LRP1B: variants seen among roughly 807,000 people sequenced by gnomAD.
LRP1B encodes LDL receptor related protein 1B.
Under a neutral mutation model 556.6 loss-of-function variants are expected in LRP1B, and 217 were observed. That is an observed-to-expected ratio of 0.39 (90% confidence interval 0.35 to 0.44). The LOEUF is 0.44. Among genes scored for constraint, LRP1B ranks in the 20% least tolerant of loss-of-function variants. LRP1B has a pLI of 1.00. For synonymous variants in LRP1B, 2,047 were observed against 1,865.8 expected (o/e 1.10, Z -2.50); for missense variants, 5,053 against 5,620.8 (o/e 0.90, Z 3.23).
chr2:141,673,138 T>C (rs1690737902), intron 2 of LRP1B, among the ~76,000 whole-genome samples: 2 of 152,228 alleles, frequency 1.3e-5, no homozygotes, highest in Non-Finnish European at 2.9e-5. Flanking sequence ...CATTTTCCTT[T>C]TCTAAAAAGA....
chr2:140,363,229 T>C (rs910525764), intron 72 of LRP1B, among the ~76,000 whole-genome samples: 1 of 151,652 alleles, frequency 6.6e-6, no homozygotes, highest in African/African-American at 2.4e-5. Flanking sequence ...GCACAATTTC[T>C]GGCACATAAT....
chr2:140,547,168 G>A (rs561317724), intron 43 of LRP1B, among the ~76,000 whole-genome samples: 1 of 152,136 alleles, frequency 6.6e-6, no homozygotes, highest in Non-Finnish European at 1.5e-5. Flanking sequence ...CTGGCCTCAT[G>A]GAATGAGTTG....
At chr2:140,973,052 TTATATATATA>T (rs200336213) in intron 18 of LRP1B, among the ~76,000 whole-genome samples, 110 of 138,576 alleles carry the variant, frequency 7.9e-4, no homozygotes, top group African/African-American at 2.6e-3. Flanking sequence ...ATATTTCATT[TTATATATATA>T]TATATATATA....
chr2:140,703,206 C>T (rs1223018190), intron 37 of LRP1B, among the ~76,000 whole-genome samples: 1 of 152,066 alleles, frequency 6.6e-6, no homozygotes, highest in Non-Finnish European at 1.5e-5. Flanking sequence ...GTGAAGTCAT[C>T]TTAAAATACG....
chr2:140,393,891 G>A (rs376960352), intron 66 of LRP1B, among the ~76,000 whole-genome samples: 4 of 152,094 alleles, frequency 2.6e-5, no homozygotes, highest in African/African-American at 7.2e-5. Flanking sequence ...ACCTTTTATA[G>A]AGAAGTCATT....
intron 2 of LRP1B, among the ~76,000 whole-genome samples, chr2:141,483,183 A>G (rs1169159835): frequency 1.4e-5 from 2 of 138,574 alleles, no homozygotes; most frequent in Non-Finnish European, 1.5e-5. Flanking sequence ...TCATTGTTCA[A>G]TTCCCACCTA....
At chr2:140,259,874 T>C (rs1327100379) in intron 86 of LRP1B, among the ~76,000 whole-genome samples, 1 of 151,860 alleles carries the variant, frequency 6.6e-6, no homozygotes, top group Non-Finnish European at 1.5e-5. Flanking sequence ...CCATGAAATA[T>C]GGAATATCAT....
intron 7 of LRP1B, among the ~76,000 whole-genome samples, chr2:141,131,054 G>T (rs534015400): frequency 3.3e-4 from 50 of 151,964 alleles, no homozygotes; most frequent in African/African-American, 1.2e-3. Context: ...CTAGATGACG[G>T]GTTCATAGGT....
intron 1 of LRP1B, among the ~76,000 whole-genome samples, chr2:141,957,972 A>C (rs985952301): frequency 6.6e-6 from 1 of 152,030 alleles, no homozygotes; most frequent in Non-Finnish European, 1.5e-5. Flanking sequence ...TCTAGCATAG[A>C]GTGTTAGATT....
At position 142,002,628 on chromosome 2, in the gene LRP1B, C is replaced by T. The variant is rs562940284; in HGVS notation, c.82+128020G>A. Among the ~76,000 whole-genome samples, 17 of 151,892 alleles carry T rather than the reference C, an allele frequency of 1.1e-4. No homozygotes were observed. The East Asian group carries it at 2.7e-3, about 24-fold the overall frequency. On this transcript the variant is annotated intron_variant, in intron 1 of 90. Transcript: ENST00000389484. ...TATAAGTGTCACAACATGAAATAAC[C>T]TTCAGACAGGTACTCACTGAAACCT...
intron 1 of LRP1B, among the ~76,000 whole-genome samples, chr2:141,987,275 A>T (rs939399724): frequency 6.6e-6 from 1 of 152,004 alleles, no homozygotes; most frequent in African/African-American, 2.4e-5. Context: ...ATTGATATGT[A>T]TGTAATTATT....
At chr2:141,776,569 C>T (rs1395674441) in intron 2 of LRP1B, among the ~76,000 whole-genome samples, 2 of 152,100 alleles carry the variant, frequency 1.3e-5, no homozygotes, top group Non-Finnish European at 2.9e-5. Context: ...ATCAGTAATA[C>T]CAGTTTGATT....
intron 43 of LRP1B, among the ~76,000 whole-genome samples, chr2:140,569,105 C>G (rs972804120): frequency 2.0e-5 from 3 of 151,838 alleles, no homozygotes; most frequent in African/African-American, 7.2e-5. Context: ...CAAACCTTAT[C>G]ACAACAACAT....
At chr2:140,415,249 C>T (rs1358701153) in intron 66 of LRP1B, among the ~76,000 whole-genome samples, 1 of 149,970 alleles carries the variant, frequency 6.7e-6, no homozygotes, top group African/African-American at 2.4e-5. Flanking sequence ...CTTTTGCCCT[C>T]TGCCTTGTGA....
At chr2:142,079,619 C>A (rs1559059249) in intron 1 of LRP1B, among the ~76,000 whole-genome samples, 2 of 151,990 alleles carry the variant, frequency 1.3e-5, no homozygotes, top group South Asian at 2.1e-4. Context: ...ACATGATTCT[C>A]CTGCCTCAGC....
intron 79 of LRP1B, among the ~76,000 whole-genome samples, chr2:140,331,217 T>C (rs575533040): frequency 8.5e-5 from 13 of 152,216 alleles, no homozygotes; most frequent in African/African-American, 3.1e-4. Context: ...GTGGTACATA[T>C]ACATCATGGA....
intron 20 of LRP1B, among the ~76,000 whole-genome samples, chr2:140,934,488 C>A (rs1466161632): frequency 2.0e-5 from 3 of 152,016 alleles, no homozygotes; most frequent in Admixed American, 6.6e-5. Flanking sequence ...TCTACTGAAC[C>A]CTTGCAACTT....
Position 141,691,834 on chromosome 2 carries a change from T to C in LRP1B, c.205+118445A>G, listed in dbSNP as rs1691545030. On this transcript the variant is annotated intron_variant, in intron 2 of 90. Transcript: ENST00000389484. ...GTCTTCTGCACTCCACAATCCTTTATCCATCTGCCCCTGTACCTCTCCATG... is the reference window on the plus strand; with the variant it reads ...GTCTTCTGCACTCCACAATCCTTTACCCATCTGCCCCTGTACCTCTCCATG... Among the ~76,000 whole-genome samples the C allele has an allele frequency of 2.0e-5, 3 of 152,102 alleles. No individual in the cohort carries two copies. In the South Asian group the frequency reaches 6.2e-4, roughly 32 times the overall value.
chr2:141,442,325 T>G (rs1051799248), intron 3 of LRP1B, among the ~76,000 whole-genome samples: 3 of 152,168 alleles, frequency 2.0e-5, no homozygotes, highest in Non-Finnish European at 4.4e-5. Flanking sequence ...AAGATTTACT[T>G]TTATAGTATA....
Sources: allele counts gnomAD v4.1 joint callset (sites outside exome capture counted in the v4.1 genomes callset), GRCh38; gene constraint gnomAD v4.1.1; transcripts MANE v1.5; gene names NCBI Gene and HGNC (gene_info 2026-07-23, HGNC 2026-07-21).